The following PRDM5 variants were observed in gnomAD, a reference collection of about 807,000 sequenced individuals.
PRDM5 encodes the protein PR/SET domain 5, also known as PR domain zinc finger protein 5.
PRDM5 carries 56 observed loss-of-function variants against 81.2 expected under a neutral mutation model. That is an observed-to-expected ratio of 0.69 (90% CI 0.56 to 0.86). PRDM5 has a LOEUF of 0.86. Ranked by LOEUF, PRDM5 falls within the 40% of genes least tolerant of loss-of-function variation. The probability of loss-of-function intolerance (pLI) is 0.00; values close to 1 mark genes in which losing one functional copy is unlikely to be tolerated. For synonymous variants in PRDM5, 267 were observed against 256.4 expected (o/e 1.04, Z -0.39); for missense variants, 697 against 770.1 (o/e 0.91, Z 1.12).
chr4:120,807,366 T>C (rs1366711228), intron 8 of PRDM5, among the ~76,000 whole-genome samples: 1 of 152,238 alleles, frequency 6.6e-6, no homozygotes, highest in Non-Finnish European at 1.5e-5. Flanking sequence ...TACTGGGTTA[T>C]ACCCAAAGGA....
At chr4:120,760,461 A>G (rs1221524544) in intron 13 of PRDM5, among the ~76,000 whole-genome samples, 1 of 152,192 alleles carries the variant, frequency 6.6e-6, no homozygotes, top group Non-Finnish European at 1.5e-5. Flanking sequence ...AGATTTAGGT[A>G]TTAGATTAAT....
intron 14 of PRDM5, among the ~76,000 whole-genome samples, chr4:120,743,958 C>G (rs1453309166): frequency 6.6e-6 from 1 of 152,100 alleles, no homozygotes; most frequent in South Asian, 2.1e-4. Flanking sequence ...ACTCTTCACC[C>G]CAAATCAACA....
intron 4 of PRDM5, among the ~76,000 whole-genome samples, chr4:120,820,534 C>T (rs941045128): frequency 1.3e-5 from 2 of 152,064 alleles, no homozygotes; most frequent in African/African-American, 4.8e-5. Flanking sequence ...TTGATTATTC[C>T]CTGGCAGTTA....
At chr4:120,810,375 C>T (rs1299029648) in intron 8 of PRDM5, 1 of 151,968 alleles carries the variant, frequency 6.6e-6, no homozygotes, top group African/African-American at 2.4e-5. Flanking sequence ...GCTTCAGAAG[C>T]CATAAGGGTG....
chr4:120,824,285 T>C lies in PRDM5; in HGVS notation c.301-2940A>G, dbSNP rs76612386. Among the ~76,000 whole-genome samples, 361 of 152,298 alleles carry C rather than the reference T, an allele frequency of 2.4e-3. 1 individual carries two copies. The highest frequency in any genetic ancestry group is 8.4e-3 in the African/African-American group (349 of 41,556). ...TCAGATTTGATCACTGGTTTAATATTCTCATACTGAGATTAATTCTCCTTA... is the reference window on the plus strand; with the variant it reads ...TCAGATTTGATCACTGGTTTAATATCCTCATACTGAGATTAATTCTCCTTA... On this transcript the variant is annotated intron_variant, in intron 3 of 15. Transcript: ENST00000264808.
chr4:120,791,853 A>G (rs943452899), intron 10 of PRDM5, among the ~76,000 whole-genome samples: 1 of 152,210 alleles, frequency 6.6e-6, no homozygotes, highest in Non-Finnish European at 1.5e-5. Context: ...GCCGTTATCA[A>G]AAGAGATAGG....
intron 8 of PRDM5, among the ~76,000 whole-genome samples, chr4:120,802,428 C>A (rs1049209682): frequency 6.6e-6 from 1 of 152,186 alleles, no homozygotes; most frequent in Non-Finnish European, 1.5e-5. Flanking sequence ...TGCCTGACTC[C>A]CAAGTAGCCT....
At chr4:120,896,991 G>GC (rs1213567223) in intron 2 of PRDM5, 5 of 138,868 alleles carry the variant, frequency 3.6e-5, no homozygotes, top group Non-Finnish European at 6.3e-5. Flanking sequence ...CCTTCCTATA[G>GC]TTTTTTTTTT....
chr4:120,868,866 C>A (rs944582559), intron 2 of PRDM5, among the ~76,000 whole-genome samples: 1 of 152,094 alleles, frequency 6.6e-6, no homozygotes. Flanking sequence ...AAGGCATTTA[C>A]AGTCTCTTCC....
At chr4:120,777,345 G>A in intron 12 of PRDM5, 64 bp from the exon 13 acceptor site, 1 of 1,607,658 alleles carries the variant, frequency 6.2e-7, no homozygotes, top group South Asian at 1.1e-5. Flanking sequence ...ATGATTAAAT[G>A]CCTCTGACAA....
intron 14 of PRDM5, among the ~76,000 whole-genome samples, chr4:120,735,363 TTTTACATTATTCA>T: frequency 6.6e-6 from 1 of 152,174 alleles, no homozygotes; most frequent in African/African-American, 2.4e-5. Flanking sequence ...TCTGTCTAAA[TTTTACATTATTCA>T]TATGTTCAAA....
chr4:120,792,356 A>G (rs1265558429), intron 10 of PRDM5, among the ~76,000 whole-genome samples: 1 of 152,198 alleles, frequency 6.6e-6, no homozygotes, highest in Non-Finnish European at 1.5e-5. Context: ...GAAGGTTCAC[A>G]ACTCGAGCTC....
chr4:120,870,735 C>T (rs1475665794), intron 2 of PRDM5, among the ~76,000 whole-genome samples: 2 of 152,100 alleles, frequency 1.3e-5, no homozygotes, highest in Admixed American at 1.3e-4. Context: ...TGGGTCAGAC[C>T]TTGGGCTCCG....
chr4:120,736,673 G>A (rs1159114350), intron 14 of PRDM5, among the ~76,000 whole-genome samples: 1 of 151,838 alleles, frequency 6.6e-6, no homozygotes, highest in African/African-American at 2.4e-5. Flanking sequence ...GACACTCTCA[G>A]GCATCTTGTA....
downstream of PRDM5, among the ~76,000 whole-genome samples, chr4:120,690,447 A>G (rs897449715): frequency 6.6e-6 from 1 of 152,160 alleles, no homozygotes; most frequent in African/African-American, 2.4e-5. Flanking sequence ...AAAGCACTCA[A>G]TTCAGTGCTG....
chr4:120,794,770 T>C (rs996045098), intron 10 of PRDM5, among the ~76,000 whole-genome samples: 2 of 151,974 alleles, frequency 1.3e-5, no homozygotes, highest in Admixed American at 6.6e-5. Context: ...ACTACAGGCG[T>C]GCGCCACAAC....
intron 14 of PRDM5, among the ~76,000 whole-genome samples, chr4:120,722,141 C>T (rs905139929): frequency 6.6e-6 from 1 of 152,168 alleles, no homozygotes; most frequent in African/African-American, 2.4e-5. Context: ...TGTGAGAAAG[C>T]TGTTGATGAG....
intron 15 of PRDM5, among the ~76,000 whole-genome samples, chr4:120,709,777 G>A (rs1274860227): frequency 6.6e-6 from 1 of 151,922 alleles, no homozygotes; most frequent in Non-Finnish European, 1.5e-5. Flanking sequence ...TTTCCTTTCA[G>A]AAATAATGTA....
chr4:120,827,278 CA>C (rs1290964189), intron 3 of PRDM5, among the ~76,000 whole-genome samples: 2 of 152,084 alleles, frequency 1.3e-5, no homozygotes, highest in African/African-American at 4.8e-5. Flanking sequence ...CTGGCAAACA[CA>C]CACACAAAAG....
Sources: allele counts gnomAD v4.1 joint callset (sites outside exome capture counted in the v4.1 genomes callset), GRCh38; gene constraint gnomAD v4.1.1; transcripts MANE v1.5; gene names NCBI Gene and HGNC (gene_info 2026-07-23, HGNC 2026-07-21).